The following TLR6 variants were observed in gnomAD, a reference collection of about 807,000 sequenced individuals.
The protein encoded by TLR6 is toll-like receptor 6.
A neutral mutation model predicts 16.1 loss-of-function variants in TLR6; 9 were observed. The observed-to-expected ratio is 0.56, with a 90% confidence interval of 0.34 to 0.98. TLR6 has a LOEUF of 0.98. Among genes scored for constraint, TLR6 ranks in the 50% least tolerant of loss-of-function variants. The pLI is 0.02. For synonymous variants in TLR6, 340 were observed against 338.6 expected, an observed-to-expected ratio of 1.00 and a Z score of -0.04; for missense variants, 786 against 921.0, an observed-to-expected ratio of 0.85 and a Z score of 1.90.
downstream of TLR6, among the ~76,000 whole-genome samples, chr4:38,823,071 C>G (rs1050290790): frequency 1.3e-5 from 2 of 152,094 alleles, no homozygotes; most frequent in African/African-American, 2.4e-5. Context: ...GAGACCCATT[C>G]GCTAACAGGA....
At chr4:38,858,829 G>GGA (rs1713113435), upstream of TLR6, among the ~76,000 whole-genome samples, 2 of 71,826 alleles carry the variant, frequency 2.8e-5, no homozygotes, top group African/African-American at 1.2e-4. Flanking sequence ...GAGAGAGAGA[G>GGA]AGGAAGAAAG....
At chr4:38,867,978 C>T in the TLR6 span, 1 of 366,080 alleles carries the variant, frequency 2.7e-6, no homozygotes, top group Non-Finnish European at 5.5e-6. Context: ...TAGTGAGAAG[C>T]AGTGGTCAGG....
exon 2 of TLR6, chr4:38,827,587 C>T (rs368695795): frequency 1.2e-6 from 2 of 1,614,084 alleles, no homozygotes; most frequent in African/African-American, 2.7e-5. Context: ...AGGGTATGTT[C>T]CTGGCCCTGC....
upstream of TLR6, among the ~76,000 whole-genome samples, chr4:38,858,453 C>T (rs1377718168): frequency 2.0e-5 from 3 of 152,266 alleles, no homozygotes; most frequent in Non-Finnish European, 4.4e-5. Context: ...GGCACGATGT[C>T]TCATGCCTGT....
At chr4:38,837,207 A>G (rs1038414869) in intron 1 of TLR6, among the ~76,000 whole-genome samples, 2 of 152,162 alleles carry the variant, frequency 1.3e-5, no homozygotes, top group African/African-American at 4.8e-5. Context: ...AATACCAATG[A>G]TATTATTTAC....
intron 1 of TLR6, among the ~76,000 whole-genome samples, chr4:38,849,259 A>G (rs989743054): frequency 1.5e-4 from 23 of 152,230 alleles, no homozygotes; most frequent in Non-Finnish European, 2.6e-4. Flanking sequence ...GGCCTGCCCT[A>G]AAAGAGCTCC....
At chr4:38,859,112 G>T (rs1256915335), upstream of TLR6, among the ~76,000 whole-genome samples, 3 of 152,204 alleles carry the variant, frequency 2.0e-5, no homozygotes, top group Non-Finnish European at 4.4e-5. Context: ...TGCACTGCTG[G>T]TCAGTGGTGG....
chr4:38,855,425 C>G (rs896303050), intron 1 of TLR6, among the ~76,000 whole-genome samples: 1 of 151,996 alleles, frequency 6.6e-6, no homozygotes, highest in African/African-American at 2.4e-5. Flanking sequence ...TTTTGAATGT[C>G]CTTTATAATC....
intron 1 of TLR6, among the ~76,000 whole-genome samples, chr4:38,839,066 TAGAA>T (rs139504050): frequency 0.2 from 20,526 of 104,002 alleles, 3,251 homozygotes; most frequent in African/African-American, 0.45. Flanking sequence ...GAGAAAGAAA[TAGAA>T]AGAGAGAAAG....
At chr4:38,847,722 A>G (rs1712589399) in intron 1 of TLR6, among the ~76,000 whole-genome samples, 1 of 152,224 alleles carries the variant, frequency 6.6e-6, no homozygotes, top group Non-Finnish European at 1.5e-5. Context: ...GCAAGGTGGC[A>G]GTGAGGCTGG....
intron 1 of TLR6, among the ~76,000 whole-genome samples, chr4:38,850,806 T>G (rs918040058): frequency 6.6e-6 from 1 of 151,970 alleles, no homozygotes; most frequent in East Asian, 1.9e-4. Flanking sequence ...GAGGTACAAC[T>G]AGGAGCTGGT....
chr4:38,867,981 TG>T, the TLR6 span: 1 of 367,130 alleles, frequency 2.7e-6, no homozygotes. Context: ...TGAGAAGCAG[TG>T]GTCAGGGAGG....
At chr4:38,828,059 A>T (rs775634298) in exon 2 of TLR6, 4 of 1,614,248 alleles carry the variant, frequency 2.5e-6, no homozygotes, top group Non-Finnish European at 3.4e-6. Context: ...CAAAGCTTCC[A>T]GTTTTACGAC....
intron 1 of TLR6, among the ~76,000 whole-genome samples, chr4:38,855,906 A>C (rs1349178407): frequency 6.6e-6 from 1 of 152,206 alleles, no homozygotes; most frequent in Non-Finnish European, 1.5e-5. Flanking sequence ...TAAATGCATC[A>C]AATAAAAAGG....
At chr4:38,858,775 GGGAGAGAGAGAGAGAGGGAGAGA>G (rs1560274508), upstream of TLR6, among the ~76,000 whole-genome samples, 100 of 79,282 alleles carry the variant, frequency 1.3e-3, no homozygotes, top group Non-Finnish European at 1.5e-3. Flanking sequence ...GAGAGAGAGA[GGGAGAGAGAGAGAGAGGGAGAGA>G]GAGAGAGAGA....
chr4:38,829,094 T>C (rs1477146602), exon 2 of TLR6: 5 of 1,613,992 alleles, frequency 3.1e-6, no homozygotes, highest in Non-Finnish European at 4.2e-6. Context: ...GAATGAGAGA[T>C]CTAAATGCCT....
At chr4:38,855,717 C>T (rs141037624) in intron 1 of TLR6, among the ~76,000 whole-genome samples, 206 of 152,206 alleles carry the variant, frequency 1.4e-3, no homozygotes, top group African/African-American at 4.8e-3. Context: ...CGCAATATTC[C>T]TCCAGAGGCG....
At chr4:38,845,671 C>T (rs1712495577) in intron 1 of TLR6, among the ~76,000 whole-genome samples, 1 of 152,324 alleles carries the variant, frequency 6.6e-6, no homozygotes, top group Non-Finnish European at 1.5e-5. Flanking sequence ...GCAGCCTTGC[C>T]AGTCCCTTGA....
chr4:38,841,244 T>C (rs1408148986), intron 1 of TLR6, among the ~76,000 whole-genome samples: 1 of 152,224 alleles, frequency 6.6e-6, no homozygotes, highest in Non-Finnish European at 1.5e-5. Flanking sequence ...TCCATAAAAG[T>C]ACATTATCAC....
Sources: gnomAD v4.1 joint callset for allele counts (sites outside exome capture counted in the v4.1 genomes callset) on GRCh38, gnomAD v4.1.1 for gene constraint, MANE v1.5 for transcripts, NCBI Gene and HGNC (gene_info 2026-07-23, HGNC 2026-07-21) for gene names.